The following PRR16 variants were observed in gnomAD, a reference collection of about 807,000 sequenced individuals.
PRR16 encodes protein Largen.
PRR16 carries 6 observed loss-of-function variants against 18.2 expected under a neutral mutation model. That is an observed-to-expected ratio of 0.33 (90% CI 0.18 to 0.65). PRR16 has a LOEUF of 0.65. Ranked by LOEUF, PRR16 falls within the 30% of genes least tolerant of loss-of-function variation. The probability of loss-of-function intolerance (pLI) is 0.74; values close to 1 mark genes in which losing one functional copy is unlikely to be tolerated. For missense variants in PRR16, 412 were observed against 376.6 expected (o/e 1.09, Z -0.78); for synonymous variants, 151 against 147.8 (o/e 1.02, Z -0.16).
the PRR16 span, among the ~76,000 whole-genome samples, chr5:120,716,012 T>C: frequency 1.3e-5 from 2 of 152,142 alleles, no homozygotes; most frequent in Non-Finnish European, 2.9e-5. Flanking sequence ...CAGCCTCCAA[T>C]ATGTCTCATC....
At position 120,539,832 on chromosome 5, in the gene PRR16, AGG is replaced by A. The variant is rs1561537359; in HGVS notation, c.159+75188_159+75189del. Among the ~76,000 whole-genome samples, 419 of 151,712 alleles carry A rather than the reference AGG, an allele frequency of 2.8e-3. 1 individual carries two copies. The highest frequency in any genetic ancestry group is 9.1e-3 in the African/African-American group (374 of 41,068). ...TTGTGAAAAACACTGTATGAATATT[AGG>A]TTTTTTTTTCTTTTTTTTGGATGAG... On this transcript the variant is annotated intron_variant, in intron 1 of 1. Coordinates refer to ENST00000407149, the MANE Select transcript of PRR16 (RefSeq NM_001300783.2).
chr5:120,678,118 C>T (rs909944700), intron 1 of PRR16, among the ~76,000 whole-genome samples: 1 of 152,030 alleles, frequency 6.6e-6, no homozygotes. Context: ...GCCGTGTTAG[C>T]CAGGATGGTG....
At chr5:120,746,726 T>A in the PRR16 span, among the ~76,000 whole-genome samples, 2 of 151,930 alleles carry the variant, frequency 1.3e-5, no homozygotes, top group East Asian at 3.9e-4. Context: ...CTCCTGGAGG[T>A]CTTTAATGTA....
Position 120,464,559 on chromosome 5 carries a change from A to G in PRR16, c.73A>G (p.Lys25Glu). The change falls in exon 1 of 2, where the codon AAG (lysine) becomes GAG (glutamate). Residue 25 changes from lysine (K) to glutamate (E), a missense_variant. By Grantham distance (56) the Lys-to-Glu change is moderately conservative. Transcript: ENST00000407149. ...GGGACCGCCGGCAGCCTCCAAAACCAAGGTGAAGGAACAGATCAAGATCAT... is the reference window on the plus strand; with the variant it reads ...GGGACCGCCGGCAGCCTCCAAAACCGAGGTGAAGGAACAGATCAAGATCAT... ...AEGPPAASKTKVKEQIKIIVE... is the reference protein window; with the variant it reads ...AEGPPAASKTEVKEQIKIIVE... 6.3e-7 allele frequency: 1 copy of G among 1,590,444 alleles called. No individual in the cohort carries two copies.
chr5:120,562,207 A>T (rs893075313), intron 1 of PRR16, among the ~76,000 whole-genome samples: 1 of 152,150 alleles, frequency 6.6e-6, no homozygotes, highest in South Asian at 2.1e-4. Flanking sequence ...CTGTTGCTGG[A>T]TCAATCCCTT....
chr5:120,769,983 T>A, the PRR16 span, among the ~76,000 whole-genome samples: 1 of 151,970 alleles, frequency 6.6e-6, no homozygotes, highest in Non-Finnish European at 1.5e-5. Flanking sequence ...TTCTTACAGC[T>A]GTTGGTCACT....
intron 1 of PRR16, among the ~76,000 whole-genome samples, chr5:120,495,425 G>T (rs556601958): frequency 8.5e-5 from 13 of 152,128 alleles, no homozygotes; most frequent in African/African-American, 2.4e-4. Context: ...TATGGTATTT[G>T]CATATAACCT....
At chr5:120,756,959 CTTTAGTTAA>C in the PRR16 span, among the ~76,000 whole-genome samples, 7 of 152,026 alleles carry the variant, frequency 4.6e-5, no homozygotes, top group East Asian at 3.9e-4. Flanking sequence ...TTTAATCCTT[CTTTAGTTAA>C]TTTAGTTAAT....
intron 1 of PRR16, among the ~76,000 whole-genome samples, chr5:120,655,997 T>G (rs1755962550): frequency 6.6e-6 from 1 of 151,836 alleles, no homozygotes; most frequent in African/African-American, 2.4e-5. Flanking sequence ...CTGTTTTATA[T>G]TTTAGACAGA....
Position 120,464,389 on chromosome 5 carries a change from G to A in PRR16, c.-98G>A, listed in dbSNP as rs1006334361. The A allele has an allele frequency of 1.7e-5, 23 of 1,365,912 alleles. No individual in the cohort carries two copies. Among genetic ancestry groups the A allele is most frequent in the East Asian group, 5.2e-5 (2 of 38,336 alleles). 84.6% of individuals were successfully genotyped at this position (1,365,912 alleles called of 1,614,324 possible). ...CCAGGGAGCGCCCAAGATGTGGGGG[G>A]ACCGGGGCGGCAGCGGCCGTAGCAG... On this transcript the variant is annotated 5_prime_UTR_variant, in exon 1 of 2. Coordinates refer to ENST00000407149, the MANE Select transcript of PRR16 (RefSeq NM_001300783.2).
chr5:120,539,783 A>C (rs1284067965), intron 1 of PRR16, among the ~76,000 whole-genome samples: 3 of 152,184 alleles, frequency 2.0e-5, no homozygotes. Flanking sequence ...TTAAATTATC[A>C]GTTGTGTATA....
At chr5:120,747,891 C>G in the PRR16 span, among the ~76,000 whole-genome samples, 1 of 152,006 alleles carries the variant, frequency 6.6e-6, no homozygotes, top group Non-Finnish European at 1.5e-5. Flanking sequence ...TATGCGTACT[C>G]TTAGTTCCAA....
chr5:120,761,540 T>C, the PRR16 span, among the ~76,000 whole-genome samples: 6 of 152,286 alleles, frequency 3.9e-5, no homozygotes, highest in South Asian at 1.0e-3. Flanking sequence ...AAATTATACA[T>C]AAATCAAAAG....
the PRR16 span, among the ~76,000 whole-genome samples, chr5:120,768,892 T>TA: frequency 6.6e-6 from 1 of 151,752 alleles, no homozygotes. Context: ...TGAAGCTAAT[T>TA]AAAAAATTAA....
chr5:120,543,697 G>T (rs1751987000), intron 1 of PRR16, among the ~76,000 whole-genome samples: 1 of 152,062 alleles, frequency 6.6e-6, no homozygotes, highest in Non-Finnish European at 1.5e-5. Flanking sequence ...ACATTACATT[G>T]GCTTTGTTAT....
chr5:120,604,112 T>A lies in PRR16; in HGVS notation c.160-81842T>A, dbSNP rs537461274. ...GTTTAGGTCCCAAATTTTTTTTTTTTAATTTTTTGCTTCCATGATTTGTCT... is the reference window on the plus strand; with the variant it reads ...GTTTAGGTCCCAAATTTTTTTTTTTAAATTTTTTGCTTCCATGATTTGTCT... On this transcript the variant is annotated intron_variant, in intron 1 of 1. Coordinates refer to ENST00000407149, the MANE Select transcript of PRR16 (RefSeq NM_001300783.2). 5.4e-3 allele frequency among the ~76,000 whole-genome samples: 819 copies of A among 150,760 alleles called. 13 individuals carry two copies. The highest frequency in any genetic ancestry group is 0.018 in the African/African-American group (743 of 40,788).
rs754032193 is a variant in PRR16 at position 120,497,242 on chromosome 5, T to C, written c.159+32597T>C. Among the ~76,000 whole-genome samples, 133 of 152,282 alleles carry C rather than the reference T, an allele frequency of 8.7e-4. 1 individual carries two copies. The highest frequency in any genetic ancestry group is 2.9e-3 in the African/African-American group (121 of 41,556). ...ATTGGCTCATGGTACTGTTTACTTC[T>C]TCTGTATCCTTGCTGTATGTTTCTA... On this transcript the variant is annotated intron_variant, in intron 1 of 1. Coordinates refer to ENST00000407149, the MANE Select transcript of PRR16 (RefSeq NM_001300783.2).
intron 1 of PRR16, among the ~76,000 whole-genome samples, chr5:120,510,522 T>TGTAGAAAAAG (rs1750793945): frequency 1.3e-5 from 2 of 152,200 alleles, no homozygotes; most frequent in Non-Finnish European, 2.9e-5. Flanking sequence ...AAAAAGACTA[T>TGTAGAAAAAG]GTCCCATGAA....
the PRR16 span, among the ~76,000 whole-genome samples, chr5:120,775,794 C>CTTTTTTTT: frequency 3.8e-4 from 46 of 122,566 alleles, 2 homozygotes; most frequent in Non-Finnish European, 4.9e-4. Flanking sequence ...CTACGCCTGG[C>CTTTTTTTT]TATTTTTTTT....
Sources: gnomAD v4.1 joint callset for allele counts (sites outside exome capture counted in the v4.1 genomes callset) on GRCh38, gnomAD v4.1.1 for gene constraint, MANE v1.5 for transcripts, NCBI Gene and HGNC (gene_info 2026-07-23, HGNC 2026-07-21) for gene names.